The following TRIM24 variants were observed in gnomAD, a reference collection of about 807,000 sequenced individuals.
TRIM24 encodes the protein tripartite motif containing 24.
TRIM24 carries 29 observed loss-of-function variants against 123.9 expected under a neutral mutation model. That is an observed-to-expected ratio of 0.23 (90% CI 0.17 to 0.32). The LOEUF (loss-of-function observed/expected upper bound fraction) is 0.32. Ranked by LOEUF, TRIM24 falls within the 10% of genes least tolerant of loss-of-function variation. The pLI is 1.00. For synonymous variants in TRIM24, 456 were observed against 461.1 expected (o/e 0.99, Z 0.14); for missense variants, 932 against 1,295.3 (o/e 0.72, Z 4.31).
At chr7:138,491,417 A>G (rs1271313774) in intron 1 of TRIM24, 2 of 155,838 alleles carry the variant, frequency 1.3e-5, no homozygotes, top group Admixed American at 6.5e-5. Flanking sequence ...CTAGAACCTC[A>G]TAAAAATAGA....
At chr7:138,465,340 T>G (rs1795113434) in intron 1 of TRIM24, among the ~76,000 whole-genome samples, 1 of 152,230 alleles carries the variant, frequency 6.6e-6, no homozygotes, top group South Asian at 2.1e-4. Context: ...AAATGGATTT[T>G]CTTTTACGTA....
At chr7:138,531,669 A>C (rs1796749169) in intron 6 of TRIM24, among the ~76,000 whole-genome samples, 1 of 152,186 alleles carries the variant, frequency 6.6e-6, no homozygotes, top group South Asian at 2.1e-4. Context: ...ATAGTGCCGT[A>C]ATAAACATAC....
At chr7:138,506,029 A>C (rs536576985) in intron 2 of TRIM24, among the ~76,000 whole-genome samples, 1 of 152,188 alleles carries the variant, frequency 6.6e-6, no homozygotes, top group Non-Finnish European at 1.5e-5. Flanking sequence ...GTTGTTAGCT[A>C]TGTTTTTCAG....
Position 138,579,551 on chromosome 7 carries a change from T to C in TRIM24, c.2585+19T>C. On this transcript the variant is annotated intron_variant, in intron 15 of 18. Coordinates refer to ENST00000343526, the MANE Select transcript of TRIM24 (RefSeq NM_015905.3). Reference sequence around the variant, plus strand: ...TTCCAAGGTAAGATAGTACTTCCCTTCCCACATTCTTTTACTGTAAACTTT... The same window carrying C: ...TTCCAAGGTAAGATAGTACTTCCCTCCCCACATTCTTTTACTGTAAACTTT... The C allele has an allele frequency of 6.5e-7, 1 of 1,545,086 alleles. No homozygotes were observed. The highest frequency in any genetic ancestry group is 8.8e-7 in the Non-Finnish European group (1 of 1,141,558).
At chr7:138,514,694 T>C (rs546396815) in intron 2 of TRIM24, 10 of 152,362 alleles carry the variant, frequency 6.6e-5, no homozygotes, top group African/African-American at 1.9e-4. Context: ...TTTATGGTAA[T>C]TCTCAGTTTG....
intron 2 of TRIM24, among the ~76,000 whole-genome samples, chr7:138,509,511 G>A (rs1796240342): frequency 6.7e-6 from 1 of 150,304 alleles, no homozygotes; most frequent in Admixed American, 6.6e-5. Context: ...AGACCAGCCT[G>A]ACCAATATGG....
chr7:138,572,910 T>G (rs1042332935), intron 11 of TRIM24, among the ~76,000 whole-genome samples: 14 of 152,224 alleles, frequency 9.2e-5, no homozygotes, highest in Middle Eastern at 3.2e-3. Context: ...GCAAGAATCT[T>G]TAGGGTTCAC....
Position 138,460,495 on chromosome 7 carries a change from G to T in TRIM24, c.-54G>T, listed in dbSNP as rs1008956675. 19 of 1,256,852 alleles carry T rather than the reference G, an allele frequency of 1.5e-5. No individual in the cohort carries two copies. The South Asian group carries it at 5.8e-4, about 38-fold the overall frequency. 77.9% of individuals were successfully genotyped at this position (1,256,852 alleles called of 1,614,324 possible). A position where few individuals can be genotyped will look rare whatever the true frequency, so the allele number is the denominator to read the frequency against. ...GCAGGAGGAGGAGGAGGTCGTCGGG[G>T]GCGGCGGGCGGAGACCGCGCTCTCG... On this transcript the variant is annotated 5_prime_UTR_variant, in exon 1 of 19. Coordinates refer to ENST00000343526, the MANE Select transcript of TRIM24 (RefSeq NM_015905.3).
chr7:138,465,932 A>G (rs1795125974), intron 1 of TRIM24, among the ~76,000 whole-genome samples: 2 of 152,226 alleles, frequency 1.3e-5, no homozygotes, highest in Non-Finnish European at 2.9e-5. Context: ...GTACTACTTT[A>G]TAGACCCTCC....
At chr7:138,470,439 A>G (rs1795247573) in intron 1 of TRIM24, among the ~76,000 whole-genome samples, 1 of 152,186 alleles carries the variant, frequency 6.6e-6, no homozygotes, top group Non-Finnish European at 1.5e-5. Flanking sequence ...ATAATTTTAT[A>G]TGTACTTGTA....
intron 1 of TRIM24, among the ~76,000 whole-genome samples, chr7:138,486,846 T>C (rs965340344): frequency 6.6e-6 from 1 of 152,230 alleles, no homozygotes; most frequent in African/African-American, 2.4e-5. Context: ...ATATGAACTT[T>C]AAAGTAGTTT....
intron 1 of TRIM24, among the ~76,000 whole-genome samples, chr7:138,469,463 C>A (rs1401514975): frequency 6.6e-6 from 1 of 152,022 alleles, no homozygotes; most frequent in East Asian, 1.9e-4. Context: ...CACACACCAC[C>A]ACACCTTGCT....
chr7:138,503,743 T>G lies in TRIM24; in HGVS notation c.365-547T>G, dbSNP rs551287168. ...TGCACCCGTTAACTGGTCATTTATA[T>G]TAGAGTTTTAACTTGTTTGTTATTT... On this transcript the variant is annotated intron_variant, in intron 1 of 18. Transcript: ENST00000343526. Among the ~76,000 whole-genome samples the G allele has an allele frequency of 2.4e-4, 36 of 152,330 alleles. 1 individual carries two copies. The East Asian group carries it at 6.7e-3, about 29-fold the overall frequency.
At chr7:138,578,920 G>GTATATATATATATATATATA (rs71177997) in intron 14 of TRIM24, among the ~76,000 whole-genome samples, 18 of 146,420 alleles carry the variant, frequency 1.2e-4, no homozygotes, top group African/African-American at 4.5e-4. Flanking sequence ...CTCCAGTGAG[G>GTATATATATATATATATATA]TATATATATA....
At chr7:138,581,821 T>A in intron 17 of TRIM24, 50 bp downstream of exon 17, 1 of 1,405,598 alleles carries the variant, frequency 7.1e-7, no homozygotes, top group Non-Finnish European at 9.9e-7. Flanking sequence ...AATGCTTTTC[T>A]GGAATTTTAT....
chr7:138,554,701 C>A lies in TRIM24; in HGVS notation c.1265C>A (p.Ser422Tyr). 6.2e-7 allele frequency: 1 copy of A among 1,613,440 alleles called. No individual in the cohort carries two copies. Among genetic ancestry groups the A allele is most frequent in the South Asian group, 1.1e-5 (1 of 91,068 alleles). The change falls in exon 9 of 19, where the codon TCT (serine) becomes TAT (tyrosine). Residue 422 changes from serine to tyrosine, a missense_variant. Coordinates refer to ENST00000343526, the MANE Select transcript of TRIM24 (RefSeq NM_015905.3). The surrounding 1 kb of genome is among the most constrained non-coding windows in gnomAD (Gnocchi z 4.5). ...TTAACCTTTTCTTTTTAATTAGGTT[C>A]TTTAGTAATCGAGGATAAAGAGAGC... is the stretch of plus-strand genomic sequence containing the variant. ...FWAQNIINLG[S>Y]LVIEDKESQP... is the part of the protein sequence containing the mutation.
In TRIM24 at chr7:138,587,940, T is replaced by C. The variant is rs1798046406; in HGVS notation, c.*2989T>C. ...AATCATTTTGTCTTTTGAATTAACATGCCCTGCTTGTCTTTTCTGAATGGA... is the reference window on the plus strand; with the variant it reads ...AATCATTTTGTCTTTTGAATTAACACGCCCTGCTTGTCTTTTCTGAATGGA... On this transcript the variant is annotated 3_prime_UTR_variant, in exon 19 of 19. Transcript: ENST00000343526. The C allele has an allele frequency of 6.6e-6, 1 of 152,230 alleles. No individual in the cohort carries two copies. Among genetic ancestry groups the C allele is most frequent in the Non-Finnish European group, 1.5e-5 (1 of 68,038 alleles). The allele number at this position is 152,230 out of a possible 1,614,324, so 9.4% of individuals were successfully genotyped here.
chr7:138,471,506 A>G (rs1459784784), intron 1 of TRIM24, among the ~76,000 whole-genome samples: 1 of 151,480 alleles, frequency 6.6e-6, no homozygotes, highest in African/African-American at 2.4e-5. Context: ...ATAGGTTCTC[A>G]TCTCATAGTA....
intron 1 of TRIM24, among the ~76,000 whole-genome samples, chr7:138,479,453 G>A (rs550801164): frequency 1.1e-4 from 17 of 151,802 alleles, no homozygotes; most frequent in African/African-American, 4.1e-4. Flanking sequence ...GATCACTGCA[G>A]CCTTTATCTG....
Sources: allele counts gnomAD v4.1 joint callset (sites outside exome capture counted in the v4.1 genomes callset), GRCh38; gene constraint gnomAD v4.1.1; non-coding constraint Gnocchi (gnomAD v3.1); transcripts MANE v1.5; gene names NCBI Gene and HGNC (gene_info 2026-07-23, HGNC 2026-07-21).